The following DLG2 variants were observed in gnomAD, a reference collection of about 807,000 sequenced individuals.
DLG2 encodes disks large homolog 2.
DLG2 carries 45 observed loss-of-function variants against 132.5 expected under a neutral mutation model. The ratio of observed to expected loss-of-function variants is 0.34; its 90% CI spans 0.27 to 0.44. The LOEUF (loss-of-function observed/expected upper bound fraction) is 0.44, where lower values mean the gene tolerates loss of function less well. Among genes scored for constraint, DLG2 ranks in the 20% least tolerant of loss-of-function variants. The pLI, the probability that DLG2 is intolerant of heterozygous loss-of-function variation, is 1.00. For synonymous variants in DLG2, 424 were observed against 419.6 expected (o/e 1.01, Z -0.13); for missense variants, 1,045 against 1,196.9 (o/e 0.87, Z 1.87).
chr11:85,115,132 T>G (rs896216206), intron 5 of DLG2, among the ~76,000 whole-genome samples: 1 of 151,884 alleles, frequency 6.6e-6, no homozygotes, highest in African/African-American at 2.4e-5. Context: ...ATGATAGAAC[T>G]GTACACATAT....
chr11:83,860,840 T>A (rs2061339658), intron 16 of DLG2, among the ~76,000 whole-genome samples: 1 of 152,114 alleles, frequency 6.6e-6, no homozygotes, highest in African/African-American at 2.4e-5. Flanking sequence ...TGTGGGTGGG[T>A]CTTTCCTGTG....
At chr11:84,131,014 A>C (rs958000324) in intron 9 of DLG2, among the ~76,000 whole-genome samples, 4 of 152,082 alleles carry the variant, frequency 2.6e-5, no homozygotes, top group East Asian at 3.8e-4. Context: ...CATGTACTTC[A>C]TAAATAGACC....
At chr11:83,721,409 C>T (rs540453415) in intron 18 of DLG2, among the ~76,000 whole-genome samples, 2 of 152,312 alleles carry the variant, frequency 1.3e-5, no homozygotes, top group South Asian at 4.1e-4. Flanking sequence ...GCATAAGGCA[C>T]AAACCTGCTA....
At chr11:85,511,494 TAAC>T (rs2094068934) in intron 3 of DLG2, among the ~76,000 whole-genome samples, 2 of 152,034 alleles carry the variant, frequency 1.3e-5, no homozygotes, top group African/African-American at 4.8e-5. Context: ...TATAACATTT[TAAC>T]AACTGAACCC....
chr11:85,326,265 C>T (rs1382343049), intron 3 of DLG2, among the ~76,000 whole-genome samples: 2 of 143,240 alleles, frequency 1.4e-5, no homozygotes, highest in Admixed American at 7.0e-5. Context: ...TCGGGAAATA[C>T]AGAGAACGCC....
chr11:85,625,500 A>G (rs1376890321), intron 2 of DLG2, among the ~76,000 whole-genome samples: 3 of 152,232 alleles, frequency 2.0e-5, no homozygotes, highest in Non-Finnish European at 4.4e-5. Context: ...TAGGTGTTCC[A>G]AAAGTTTTAT....
intron 21 of DLG2, among the ~76,000 whole-genome samples, chr11:83,515,565 A>G (rs186030027): frequency 1.3e-5 from 2 of 152,030 alleles, no homozygotes; most frequent in Non-Finnish European, 1.5e-5. Flanking sequence ...CCTTCTGATA[A>G]CTTTTGAATG....
intron 6 of DLG2, among the ~76,000 whole-genome samples, chr11:84,756,261 G>C (rs976043737): frequency 2.0e-5 from 3 of 152,190 alleles, no homozygotes; most frequent in African/African-American, 7.2e-5. Context: ...GAAGCAATAA[G>C]TGGTTGTAAA....
At chr11:84,098,759 C>A (rs986757095) in intron 10 of DLG2, among the ~76,000 whole-genome samples, 164 bp downstream of exon 10, 2 of 152,142 alleles carry the variant, frequency 1.3e-5, no homozygotes, top group Non-Finnish European at 2.9e-5. Context: ...TACTGAAATT[C>A]AATCAGTAGC....
intron 6 of DLG2, among the ~76,000 whole-genome samples, chr11:84,712,543 G>T: frequency 6.6e-6 from 1 of 151,830 alleles, no homozygotes; most frequent in Non-Finnish European, 1.5e-5. Context: ...CAACGTGTTG[G>T]TAGGTTAAAA....
intron 6 of DLG2, among the ~76,000 whole-genome samples, chr11:84,941,534 A>G (rs924064526): frequency 1.3e-5 from 2 of 152,104 alleles, no homozygotes; most frequent in Non-Finnish European, 2.9e-5. Flanking sequence ...ACACTGATTG[A>G]TTTGCATATA....
intron 9 of DLG2, among the ~76,000 whole-genome samples, chr11:84,107,793 A>G (rs2093070271): frequency 6.6e-6 from 1 of 152,172 alleles, no homozygotes. Flanking sequence ...CCATATATTT[A>G]GAAGTCAGGA....
At chr11:84,063,735 TGGATTAA>T (rs879382878) in intron 10 of DLG2, among the ~76,000 whole-genome samples, 28 of 152,126 alleles carry the variant, frequency 1.8e-4, no homozygotes, top group Non-Finnish European at 1.3e-4. Context: ...AATGATAGAC[TGGATTAA>T]GAAAATATGG....
intron 19 of DLG2, chr11:83,631,801 TC>T (rs368650977): frequency 1.1e-4 from 17 of 152,288 alleles, no homozygotes; most frequent in African/African-American, 3.8e-4. Flanking sequence ...TTTAGTTCTA[TC>T]CTATTAACCC....
At chr11:84,553,776 G>A (rs1444194935) in intron 6 of DLG2, among the ~76,000 whole-genome samples, 1 of 152,150 alleles carries the variant, frequency 6.6e-6, no homozygotes, top group Non-Finnish European at 1.5e-5. Context: ...ATGTATTGTG[G>A]ACCATTCACA....
intron 15 of DLG2, among the ~76,000 whole-genome samples, chr11:83,928,501 G>T (rs1194789989): frequency 6.6e-6 from 1 of 151,328 alleles, no homozygotes; most frequent in African/African-American, 2.4e-5. Context: ...AGGATAAAAA[G>T]AAAAAAAATA....
intron 3 of DLG2, among the ~76,000 whole-genome samples, chr11:85,524,383 A>C (rs1437348667): frequency 2.6e-5 from 4 of 152,166 alleles, no homozygotes; most frequent in African/African-American, 9.7e-5. Flanking sequence ...TCTAATATGT[A>C]CCCACAAAAA....
chr11:84,239,580 GACTGCAACAATGGCCAA>G (rs1199175924), intron 8 of DLG2, among the ~76,000 whole-genome samples: 2 of 152,076 alleles, frequency 1.3e-5, no homozygotes, highest in Non-Finnish European at 2.9e-5. Context: ...ACTAATTTAG[GACTGCAACAATGGCCAA>G]TGGCCATCAT....
chr11:85,566,289 G>A (rs1370585145), intron 3 of DLG2, among the ~76,000 whole-genome samples: 3 of 152,058 alleles, frequency 2.0e-5, no homozygotes, highest in African/African-American at 7.2e-5. Context: ...CTCCCATTGT[G>A]TGGGCTGCCT....
Sources: gnomAD v4.1 joint callset for allele counts (sites outside exome capture counted in the v4.1 genomes callset) on GRCh38, gnomAD v4.1.1 for gene constraint, MANE v1.5 for transcripts, NCBI Gene and HGNC (gene_info 2026-07-23, HGNC 2026-07-21) for gene names.